The following F2 variants were observed in gnomAD, a reference collection of about 807,000 sequenced individuals.
F2 encodes prothrombin.
F2 carries 34 observed loss-of-function variants against 81.9 expected under a neutral mutation model. That is an observed-to-expected ratio of 0.42 (90% CI 0.32 to 0.55). The LOEUF is 0.55. Ranked by LOEUF, F2 falls within the 20% of genes least tolerant of loss-of-function variation. The pLI, the probability that F2 is intolerant of heterozygous loss-of-function variation, is 0.18. For synonymous variants in F2, 296 were observed against 326.4 expected, an observed-to-expected ratio of 0.91 and a Z score of 1.01; for missense variants, 630 against 833.4, an observed-to-expected ratio of 0.76 and a Z score of 3.00.
rs1203938894 is a variant in F2, at chr11:46,726,665, G to C, written c.1003+39G>C. 3.1e-6 allele frequency: 5 copies of C among 1,613,702 alleles called. 1 individual carries two copies. The highest frequency in any genetic ancestry group is 1.7e-5 in the Admixed American group (1 of 60,034). On this transcript the variant is annotated intron_variant, in intron 8 of 13. Coordinates refer to ENST00000311907, the MANE Select transcript of F2 (RefSeq NM_000506.5). This position sits in a 1 kb window ranked among gnomAD's most constrained non-coding sequence, Gnocchi z 5.9. Reference sequence around the variant, plus strand: ...CATCCGAGGGGATGCGGGGCTGCGGGGCTGGTGGCCAGGACTTGCCCCTCA... The same window carrying C: ...CATCCGAGGGGATGCGGGGCTGCGGCGCTGGTGGCCAGGACTTGCCCCTCA...
chr11:46,722,491 T>TG (rs1332530668), intron 4 of F2, among the ~76,000 whole-genome samples: 3 of 152,026 alleles, frequency 2.0e-5, no homozygotes, highest in African/African-American at 7.2e-5. Context: ...GGGAGGCTGA[T>TG]GGGGGAGAAT....
At position 46,720,770 on chromosome 11, in the gene F2, A is replaced by G; in HGVS notation, c.266-20A>G. The G allele has an allele frequency of 1.9e-6, 3 of 1,613,900 alleles. No individual in the cohort carries two copies. Among genetic ancestry groups the G allele is most frequent in the Non-Finnish European group, 2.5e-6 (3 of 1,179,856 alleles). ...TGGCCATACCCCAATCCCAAAGGTAAACACCTGGGTCTTTTCCAGCTTGTG... is the reference window on the plus strand; with the variant it reads ...TGGCCATACCCCAATCCCAAAGGTAGACACCTGGGTCTTTTCCAGCTTGTG... On this transcript the variant is annotated intron_variant, in intron 3 of 13. Transcript: ENST00000311907.
chr11:46,729,448 A>C lies in F2; in HGVS notation c.1541A>C (p.Asn514Thr). ...WGNLKETWTA[N>T]VGKGQPSVLQ... The stretch of plus-strand genomic sequence containing the variant: ...AACCTGAAGGAGACGTGGACAGCCA[A>C]CGTTGGTAAGGGGCAGCCCAGTGTC... The change falls in exon 12 of 14, where the codon AAC becomes ACC. Residue 514 changes from asparagine to threonine, a missense_variant. Transcript: ENST00000311907. 1.9e-6 allele frequency: 3 copies of C among 1,614,162 alleles called. No individual in the cohort carries two copies. Among genetic ancestry groups the C allele is most frequent in the Non-Finnish European group, 2.5e-6 (3 of 1,180,028 alleles).
chr11:46,719,794 C>T lies in F2; in HGVS notation c.172C>T (p.Arg58Ter), dbSNP rs1284932863. Residue 58 changes from arginine (R) to a stop codon, truncating the protein, a stop_gained, in exon 2 of 14, where the codon CGA (arginine) becomes TGA (stop). Coordinates refer to ENST00000311907, the MANE Select transcript of F2 (RefSeq NM_000506.5). LOFTEE classifies it high-confidence loss of function. This position sits in a 1 kb window ranked among gnomAD's most constrained non-coding sequence, Gnocchi z 4.7. ...LEEVRKGNLE[R>*]ECVEETCSYE... Reference sequence around the variant, plus strand: ...GGAGGTGCGCAAGGGCAACCTGGAGCGAGAGTGCGTGGAGGAGACGTGCAG... The same window carrying T: ...GGAGGTGCGCAAGGGCAACCTGGAGTGAGAGTGCGTGGAGGAGACGTGCAG... 3 of 1,596,010 alleles carry T rather than the reference C, an allele frequency of 1.9e-6. No individual in the cohort carries two copies. Among genetic ancestry groups the T allele is most frequent in the African/African-American group, 1.3e-5 (1 of 74,670 alleles).
intron 3 of F2, 23 bp downstream of exon 3, chr11:46,720,570 C>G: frequency 6.2e-7 from 1 of 1,614,036 alleles, no homozygotes. Context: ...AAGGATTTGC[C>G]CCAGGAAGGG....
In F2 at chr11:46,726,654, CG is replaced by C. The variant is rs761999469; in HGVS notation, c.1003+32del. ...GAGGTAGTGGGCATCCGAGGGGATG[CG>C]GGGCTGCGGGGCTGGTGGCCAGGAC... On this transcript the variant is annotated intron_variant, in intron 8 of 13. Transcript: ENST00000311907. This position sits in a 1 kb window ranked among gnomAD's most constrained non-coding sequence, Gnocchi z 5.9. The C allele has an allele frequency of 6.2e-6, 10 of 1,613,514 alleles. No individual in the cohort carries two copies. The South Asian group carries it at 1.1e-4, about 18-fold the overall frequency.
intron 4 of F2, among the ~76,000 whole-genome samples, chr11:46,721,785 C>T (rs1041087613): frequency 6.6e-6 from 1 of 151,954 alleles, no homozygotes. Flanking sequence ...CCATCTCAGT[C>T]TCCCAAAGGA....
At chr11:46,731,573 GA>G (rs35768741) in intron 12 of F2, among the ~76,000 whole-genome samples, 14,530 of 131,498 alleles carry the variant, frequency 0.11, 1,891 homozygotes, top group African/African-American at 0.32. Context: ...CTTTTATAGG[GA>G]AAAAAAAAAA....
Position 46,719,740 on chromosome 11 carries a change from CG to C in F2, c.121del (p.Val41SerfsTer80). The C allele has an allele frequency of 1.3e-6, 2 of 1,594,982 alleles. No homozygotes were observed. Among genetic ancestry groups the C allele is most frequent in the South Asian group, 1.1e-5 (1 of 87,458 alleles). On this transcript the variant is annotated frameshift_variant, in exon 2 of 14. Transcript: ENST00000311907. LOFTEE classifies it high-confidence loss of function. This position sits in a 1 kb window ranked among gnomAD's most constrained non-coding sequence, Gnocchi z 4.7. ...TCAGCAAGCACGGTCGCTGCTCCAG[CG>C]GGTCCGGCGAGCCAACACCTTCTTG... is the stretch of plus-strand genomic sequence containing the variant. ...APQQARSLLQ[R>X]VRRANTFLEE... is the part of the protein sequence containing the mutation.
Position 46,720,774 on chromosome 11 carries a change from C to G in F2, c.266-16C>G. 1.2e-6 allele frequency: 2 copies of G among 1,613,918 alleles called. No homozygotes were observed. Among genetic ancestry groups the G allele is most frequent in the Non-Finnish European group, 1.7e-6 (2 of 1,179,830 alleles). On this transcript the variant is annotated splice_polypyrimidine_tract_variant and intron_variant, in intron 3 of 13. Coordinates refer to ENST00000311907, the MANE Select transcript of F2 (RefSeq NM_000506.5). The stretch of plus-strand genomic sequence containing the variant: ...CATACCCCAATCCCAAAGGTAAACA[C>G]CTGGGTCTTTTCCAGCTTGTGAGAC...
intron 12 of F2, among the ~76,000 whole-genome samples, chr11:46,736,093 C>T (rs967645515): frequency 6.6e-6 from 1 of 151,958 alleles, no homozygotes; most frequent in African/African-American, 2.4e-5. Context: ...ATCCCAGCTA[C>T]TTGGGAGGCT....
rs1329179543 is a variant in F2 at position 46,728,866 on chromosome 11, G to A, written c.1472+29G>A. On this transcript the variant is annotated intron_variant, in intron 11 of 13. Coordinates refer to ENST00000311907, the MANE Select transcript of F2 (RefSeq NM_000506.5). The surrounding 1 kb of genome is among the most constrained non-coding windows in gnomAD (Gnocchi z 5.1). ...GGCCACCAGATGCTTGTTAGCTGAG[G>A]GGCAGAAGCCAAGTTCTGGGCCTGG... The A allele has an allele frequency of 6.2e-7, 1 of 1,611,984 alleles. No homozygotes were observed. The highest frequency in any genetic ancestry group is 8.5e-7 in the Non-Finnish European group (1 of 1,179,828).
In F2 at chr11:46,728,073, C is replaced by T; in HGVS notation, c.1208C>T (p.Thr403Ile). 2 of 1,610,576 alleles carry T rather than the reference C, an allele frequency of 1.2e-6. No homozygotes were observed. Among genetic ancestry groups the T allele is most frequent in the South Asian group, 1.1e-5 (1 of 89,886 alleles). ...ASLISDRWVL[T>I]AAHCLLYPPW... ...CTCATCAGTGACCGCTGGGTCCTCA[C>T]CGCCGCCCACTGCCTCCTGTACCCG... Residue 403 changes from threonine to isoleucine, a missense_variant, in exon 10 of 14, where the codon ACC becomes ATC. By Grantham distance (89) the Thr-to-Ile change is moderately conservative (BLOSUM62 -1). Coordinates refer to ENST00000311907, the MANE Select transcript of F2 (RefSeq NM_000506.5). The surrounding 1 kb of genome is among the most constrained non-coding windows in gnomAD (Gnocchi z 5.1).
intron 6 of F2, among the ~76,000 whole-genome samples, chr11:46,724,960 C>T (rs1051849555): frequency 2.0e-5 from 3 of 150,860 alleles, no homozygotes; most frequent in Non-Finnish European, 2.9e-5. Flanking sequence ...TTAGTAGAGA[C>T]GGGGTTTCAC....
Position 46,728,540 on chromosome 11 carries a change from A to G in F2, c.1299-124A>G. 8.9e-7 allele frequency: 1 copy of G among 1,118,600 alleles called. No homozygotes were observed. Among genetic ancestry groups the G allele is most frequent in the Non-Finnish European group, 1.3e-6 (1 of 753,124 alleles). The allele number at this position is 1,118,600 out of a possible 1,614,324, so 69.3% of individuals were successfully genotyped here. ...CCAGGGGGCTGCCATGGCAGGAACC[A>G]GCCCTATCCCCTCCCTGGTGGCCTG... On this transcript the variant is annotated intron_variant, in intron 10 of 13. Coordinates refer to ENST00000311907, the MANE Select transcript of F2 (RefSeq NM_000506.5). The surrounding 1 kb of genome is among the most constrained non-coding windows in gnomAD (Gnocchi z 5.1).
At chr11:46,720,655 C>G in intron 3 of F2, 108 bp downstream of exon 3, 1 of 1,503,612 alleles carries the variant, frequency 6.7e-7, no homozygotes, top group African/African-American at 1.4e-5. Flanking sequence ...CCATCCACCC[C>G]TTCCCCACTC....
rs1485032663 is a variant in F2, at chr11:46,730,786, T to TTA, written c.1654+1237_1654+1238dup. Reference sequence around the variant, plus strand: ...CCATTCTGTGGATGTGTGGGAATTTTTATATATATATATGCATAGTTTGAG... The same window carrying TTA: ...CCATTCTGTGGATGTGTGGGAATTTTTATATATATATATATGCATAGTTTGAG... On this transcript the variant is annotated intron_variant, in intron 12 of 13. Coordinates refer to ENST00000311907, the MANE Select transcript of F2 (RefSeq NM_000506.5). Among the ~76,000 whole-genome samples the TTA allele has an allele frequency of 1.0e-4, 14 of 140,290 alleles. 1 individual carries two copies. Among genetic ancestry groups the TTA allele is most frequent in the South Asian group, 4.6e-4 (2 of 4,390 alleles). 92.0% of individuals were successfully genotyped at this position (140,290 alleles called of 152,430 possible).
rs2064872833 is a variant in F2, at chr11:46,726,310, G to A, written c.874+137G>A. On this transcript the variant is annotated intron_variant, in intron 7 of 13. Transcript: ENST00000311907. This position sits in a 1 kb window ranked among gnomAD's most constrained non-coding sequence, Gnocchi z 5.9. ...TTACAGTAACCAGGTGGGGGGTAAG[G>A]TCCTGTGCCCATTTCACAGATAAGT... 1 of 1,433,306 alleles carries A rather than the reference G, an allele frequency of 7.0e-7. No homozygotes were observed. The highest frequency in any genetic ancestry group is 2.5e-5 in the East Asian group (1 of 40,642). The allele number at this position is 1,433,306 out of a possible 1,614,324, so 88.8% of individuals were successfully genotyped here.
Position 46,723,346 on chromosome 11 carries a change from C to G in F2, c.423-36C>G. 6.2e-7 allele frequency: 1 copy of G among 1,613,574 alleles called. No homozygotes were observed. Among genetic ancestry groups the G allele is most frequent in the Non-Finnish European group, 8.5e-7 (1 of 1,179,516 alleles). On this transcript the variant is annotated intron_variant, in intron 5 of 13. Transcript: ENST00000311907. The surrounding 1 kb of genome is among the most constrained non-coding windows in gnomAD (Gnocchi z 5.6). ...GAACAGGGAGCAAGCGTACCTCAAG[C>G]CCAACAGCCTCCTGTTGGGCAATTT...
Sources: allele counts gnomAD v4.1 joint callset (sites outside exome capture counted in the v4.1 genomes callset), GRCh38; gene constraint gnomAD v4.1.1; non-coding constraint Gnocchi (gnomAD v3.1); transcripts MANE v1.5; gene names NCBI Gene and HGNC (gene_info 2026-07-23, HGNC 2026-07-21).